Variants in MS4A4E observed in about 807,000 individuals in gnomAD.
MS4A4E encodes membrane spanning 4-domains A4E.
MS4A4E carries 23 observed loss-of-function variants against 13.3 expected under a neutral mutation model. The ratio of observed to expected loss-of-function variants is 1.73; its 90% CI spans 1.25 to 2.45. The LOEUF (loss-of-function observed/expected upper bound fraction) is 2.45, where lower values mean the gene tolerates loss of function less well. Ranked by LOEUF, MS4A4E falls within the 30% of genes most tolerant of loss-of-function variation. The probability of loss-of-function intolerance (pLI) is 0.00; values close to 1 mark genes in which losing one functional copy is unlikely to be tolerated. For missense variants in MS4A4E, 144 were observed against 131.2 expected, an observed-to-expected ratio of 1.10 and a Z score of -0.48; for synonymous variants, 36 against 45.6, an observed-to-expected ratio of 0.79 and a Z score of 0.85.
intron 1 of MS4A4E, 97 bp from the exon 2 acceptor site, chr11:60,230,168 T>C: frequency 7.6e-7 from 1 of 1,310,218 alleles, no homozygotes; most frequent in African/African-American, 1.5e-5. Context: ...CAAAACCTGG[T>C]CTACATTCCC....
At chr11:60,213,193 A>G (rs1226835820) in intron 4 of MS4A4E, 61 bp from the exon 5 acceptor site, 2 of 1,146,002 alleles carry the variant, frequency 1.7e-6, no homozygotes, top group Non-Finnish European at 2.5e-6. Context: ...ATCTCTGTTA[A>G]TTACTTTACA....
intron 2 of MS4A4E, among the ~76,000 whole-genome samples, chr11:60,229,134 A>G (rs1409752159): frequency 2.0e-5 from 3 of 152,248 alleles, no homozygotes; most frequent in African/African-American, 7.2e-5. Flanking sequence ...GTGTCGGGGC[A>G]AGGGGCATAT....
rs1335952509 is a variant in MS4A4E, at chr11:60,200,341, G to T, written c.*1202C>A. Among the ~76,000 whole-genome samples, 1 of 151,546 alleles carries T rather than the reference G, an allele frequency of 6.6e-6. No individual in the cohort carries two copies. Among genetic ancestry groups the T allele is most frequent in the Admixed American group, 6.6e-5 (1 of 15,208 alleles). ...CATTCTTGGGTGTTTCTCACAGAGG[G>T]GGATTTGGCAGGGTCATAGGACAAT... On this transcript the variant is annotated 3_prime_UTR_variant, in exon 9 of 9. Transcript: ENST00000651255.
chr11:60,222,924 G>T (rs1036623260), intron 3 of MS4A4E, among the ~76,000 whole-genome samples: 1 of 152,130 alleles, frequency 6.6e-6, no homozygotes, highest in Non-Finnish European at 1.5e-5. Flanking sequence ...ATCCCTTAGG[G>T]TGTCTCTTAG....
chr11:60,234,028 G>C (rs1184446956), intron 1 of MS4A4E, among the ~76,000 whole-genome samples: 1 of 152,176 alleles, frequency 6.6e-6, no homozygotes, highest in Non-Finnish European at 1.5e-5. Flanking sequence ...TTCTCTGTTG[G>C]ATTTTGGACT....
intron 3 of MS4A4E, among the ~76,000 whole-genome samples, chr11:60,218,312 T>C (rs1318523605): frequency 6.6e-6 from 1 of 152,212 alleles, no homozygotes; most frequent in African/African-American, 2.4e-5. Flanking sequence ...CCCGGTACTG[T>C]GGTCCTGTGA....
At chr11:60,207,560 CAG>C (rs2084063939) in intron 6 of MS4A4E, among the ~76,000 whole-genome samples, 1 of 152,106 alleles carries the variant, frequency 6.6e-6, no homozygotes. Flanking sequence ...CTAAAGAAGA[CAG>C]AGAGGCACAA....
intron 1 of MS4A4E, among the ~76,000 whole-genome samples, chr11:60,236,857 C>T (rs938713882): frequency 2.0e-5 from 3 of 151,984 alleles, no homozygotes; most frequent in Non-Finnish European, 2.9e-5. Context: ...CTGCCTCAGC[C>T]TCCCGAATAC....
chr11:60,241,190 A>AT (rs1195768747), intron 1 of MS4A4E, among the ~76,000 whole-genome samples: 2 of 151,856 alleles, frequency 1.3e-5, no homozygotes, highest in African/African-American at 4.8e-5. Flanking sequence ...CGCCTGGCTA[A>AT]TTTTTTTGTA....
At chr11:60,214,154 C>G (rs1338829323) in intron 4 of MS4A4E, among the ~76,000 whole-genome samples, 1 of 152,244 alleles carries the variant, frequency 6.6e-6, no homozygotes, top group Admixed American at 6.5e-5. Flanking sequence ...GATCCACTCA[C>G]CTAGGCCTCC....
intron 5 of MS4A4E, among the ~76,000 whole-genome samples, chr11:60,209,539 A>G (rs2084092855): frequency 6.6e-6 from 1 of 152,228 alleles, no homozygotes; most frequent in African/African-American, 2.4e-5. Context: ...TTGAGACACT[A>G]AATGATTTTA....
chr11:60,202,567 C>T (rs1288799691), intron 8 of MS4A4E, among the ~76,000 whole-genome samples: 1 of 152,114 alleles, frequency 6.6e-6, no homozygotes, highest in African/African-American at 2.4e-5. Context: ...AGAGCTATTA[C>T]CCAAACCGAA....
rs144834075 is a variant in MS4A4E, at chr11:60,227,284, G to A, written c.178+1310C>T. ...TATTAGCAAATGGCCGGGCGTGGTG[G>A]CTCACCCCTGTAATCCCAGCACTTT... On this transcript the variant is annotated intron_variant, in intron 3 of 8. Transcript: ENST00000651255. Among the ~76,000 whole-genome samples the A allele has an allele frequency of 6.3e-3, 952 of 152,266 alleles. 3 individuals are homozygous for A. The highest frequency in any genetic ancestry group is 9.9e-3 in the Non-Finnish European group (673 of 68,018).
intron 3 of MS4A4E, among the ~76,000 whole-genome samples, chr11:60,214,878 A>G (rs1279881087): frequency 1.3e-5 from 2 of 152,194 alleles, no homozygotes; most frequent in African/African-American, 4.8e-5. Context: ...GTTTGAGGAC[A>G]CTGAAAGATA....
chr11:60,221,984 G>A lies in MS4A4E; in HGVS notation c.178+6610C>T, dbSNP rs563418983. 2.6e-5 allele frequency among the ~76,000 whole-genome samples: 4 copies of A among 152,306 alleles called. No homozygotes were observed. In the South Asian group the frequency reaches 6.2e-4, roughly 24 times the overall value. On this transcript the variant is annotated intron_variant, in intron 3 of 8. Coordinates refer to ENST00000651255, the MANE Select transcript of MS4A4E (RefSeq NM_001393391.1). The stretch of plus-strand genomic sequence containing the variant: ...AAGTGGCCATGGTGGCAGGGATGGA[G>A]GATATGCATGGGCTCAGCAACATGG...
At chr11:60,215,657 C>T (rs111492528) in intron 3 of MS4A4E, among the ~76,000 whole-genome samples, 4 of 151,160 alleles carry the variant, frequency 2.6e-5, no homozygotes, top group Non-Finnish European at 5.9e-5. Flanking sequence ...AAGTCAAAAT[C>T]AAGATAAACA....
At position 60,235,755 on chromosome 11, in the gene MS4A4E, T is replaced by A. The variant is rs530834946; in HGVS notation, c.-16-5684A>T. Among the ~76,000 whole-genome samples, 15 of 152,294 alleles carry A rather than the reference T, an allele frequency of 9.8e-5. No individual in the cohort carries two copies. The South Asian group carries it at 2.3e-3, about 23-fold the overall frequency. ...TCCCAAGTTTAACAAAATTGGAAGG[T>A]ATGTATTAAATTTAAGACCAAAAAT... On this transcript the variant is annotated intron_variant, in intron 1 of 8. Coordinates refer to ENST00000651255, the MANE Select transcript of MS4A4E (RefSeq NM_001393391.1).
At chr11:60,222,730 C>T (rs1197546664) in intron 3 of MS4A4E, among the ~76,000 whole-genome samples, 1 of 152,114 alleles carries the variant, frequency 6.6e-6, no homozygotes, top group Non-Finnish European at 1.5e-5. Flanking sequence ...CGGGAGACAA[C>T]AATGATTTCA....
intron 5 of MS4A4E, among the ~76,000 whole-genome samples, chr11:60,211,730 T>A (rs963014592): frequency 6.6e-6 from 1 of 152,150 alleles, no homozygotes; most frequent in African/African-American, 2.4e-5. Context: ...CTGGCCAACA[T>A]GGAGAAACCC....
Sources: allele counts gnomAD v4.1 joint callset (sites outside exome capture counted in the v4.1 genomes callset), GRCh38; gene constraint gnomAD v4.1.1; transcripts MANE v1.5; gene names NCBI Gene and HGNC (gene_info 2026-07-23, HGNC 2026-07-21).